Variants in ST6GALNAC3 observed in about 807,000 individuals in gnomAD.
ST6GALNAC3 encodes alpha-N-acetylgalactosaminide alpha-2,6-sialyltransferase 3.
A neutral mutation model predicts 32.7 loss-of-function variants in ST6GALNAC3; 25 were observed. The observed-to-expected ratio is 0.76, with a 90% CI of 0.56 to 1.07. ST6GALNAC3 has a LOEUF of 1.07. ST6GALNAC3 is among the 50% of genes least tolerant of loss of function. The probability of loss-of-function intolerance (pLI) is 0.00; values close to 1 mark genes in which losing one functional copy is unlikely to be tolerated. For synonymous variants in ST6GALNAC3, 129 were observed against 133.1 expected (o/e 0.97, Z 0.21); for missense variants, 355 against 382.4 (o/e 0.93, Z 0.60).
chr1:76,231,408 G>A (rs1253327436), intron 1 of ST6GALNAC3, among the ~76,000 whole-genome samples: 1 of 152,132 alleles, frequency 6.6e-6, no homozygotes, highest in African/African-American at 2.4e-5. Flanking sequence ...GCAGTATTAA[G>A]TATATTCACA....
intron 1 of ST6GALNAC3, among the ~76,000 whole-genome samples, chr1:76,118,339 A>G (rs1276148909): frequency 6.6e-6 from 1 of 152,224 alleles, no homozygotes; most frequent in African/African-American, 2.4e-5. Context: ...AATTTGATAA[A>G]TGCTATTTGC....
chr1:76,395,307 T>C (rs1652863778), intron 2 of ST6GALNAC3, among the ~76,000 whole-genome samples: 1 of 152,076 alleles, frequency 6.6e-6, no homozygotes, highest in South Asian at 2.1e-4. Flanking sequence ...AATCCAAAGG[T>C]GCCCTGTCAA....
chr1:76,102,850 T>A (rs1031716949), intron 1 of ST6GALNAC3, among the ~76,000 whole-genome samples: 1 of 152,104 alleles, frequency 6.6e-6, no homozygotes, highest in Non-Finnish European at 1.5e-5. Context: ...CACTCTCTTT[T>A]TGCCTGAAGA....
intron 1 of ST6GALNAC3, among the ~76,000 whole-genome samples, chr1:76,083,837 G>A (rs1227817004): frequency 5.9e-5 from 9 of 151,962 alleles, no homozygotes; most frequent in African/African-American, 2.2e-4. Flanking sequence ...CTCTCAGTTT[G>A]AATTCTAAAT....
intron 1 of ST6GALNAC3, among the ~76,000 whole-genome samples, chr1:76,294,490 A>T (rs1321178505): frequency 6.6e-6 from 1 of 152,122 alleles, no homozygotes; most frequent in East Asian, 1.9e-4. Context: ...AATAAATTGA[A>T]CATAGTGGTA....
chr1:76,470,618 C>T (rs954344979), intron 3 of ST6GALNAC3, among the ~76,000 whole-genome samples: 3 of 151,992 alleles, frequency 2.0e-5, no homozygotes, highest in African/African-American at 7.2e-5. Context: ...ACAGATTTTT[C>T]CCTCATGGTT....
intron 2 of ST6GALNAC3, among the ~76,000 whole-genome samples, chr1:76,336,087 A>T (rs1378200426): frequency 6.6e-6 from 1 of 152,194 alleles, no homozygotes; most frequent in Non-Finnish European, 1.5e-5. Flanking sequence ...GGGAGCCAAG[A>T]TTAAAATGCA....
At chr1:76,446,638 G>C (rs1656990270) in intron 3 of ST6GALNAC3, among the ~76,000 whole-genome samples, 2 of 152,086 alleles carry the variant, frequency 1.3e-5, no homozygotes, top group South Asian at 4.1e-4. Context: ...CACATGTTGT[G>C]GGAGGGACCC....
intron 3 of ST6GALNAC3, among the ~76,000 whole-genome samples, chr1:76,443,389 A>T (rs1414596921): frequency 9.9e-5 from 15 of 152,198 alleles, no homozygotes; most frequent in Admixed American, 9.8e-4. Context: ...CCTCTAATGA[A>T]TTCAAACAGT....
chr1:76,594,903 A>T (rs1647109764), intron 3 of ST6GALNAC3, among the ~76,000 whole-genome samples: 1 of 152,208 alleles, frequency 6.6e-6, no homozygotes, highest in Non-Finnish European at 1.5e-5. Flanking sequence ...GTTGCACTGT[A>T]TCCCACATCC....
At chr1:76,625,407 G>T (rs1385664451) in intron 3 of ST6GALNAC3, among the ~76,000 whole-genome samples, 1 of 151,732 alleles carries the variant, frequency 6.6e-6, no homozygotes, top group African/African-American at 2.4e-5. Context: ...CTCTATGAGT[G>T]CTTGGTCAGC....
chr1:76,198,131 AG>A (rs1654313973), intron 1 of ST6GALNAC3, among the ~76,000 whole-genome samples: 1 of 152,160 alleles, frequency 6.6e-6, no homozygotes, highest in Admixed American at 6.5e-5. Flanking sequence ...TTGACTTCCC[AG>A]GCTCAAGTGA....
At chr1:76,618,134 C>A (rs1272700716) in intron 3 of ST6GALNAC3, among the ~76,000 whole-genome samples, 2 of 152,064 alleles carry the variant, frequency 1.3e-5, no homozygotes, top group South Asian at 4.2e-4. Context: ...GATGAAAGAC[C>A]CTACGCCTAC....
chr1:76,582,036 T>C (rs1646898773), intron 3 of ST6GALNAC3, among the ~76,000 whole-genome samples: 1 of 152,132 alleles, frequency 6.6e-6, no homozygotes, highest in Non-Finnish European at 1.5e-5. Flanking sequence ...CGCTTGTCCA[T>C]TTTGAGAGGG....
At chr1:76,145,037 A>G (rs564420312) in intron 1 of ST6GALNAC3, among the ~76,000 whole-genome samples, 1 of 152,326 alleles carries the variant, frequency 6.6e-6, no homozygotes, top group East Asian at 1.9e-4. Context: ...AGACATTTAT[A>G]AACAAATCTG....
chr1:76,441,081 A>G (rs1656551473), intron 3 of ST6GALNAC3, among the ~76,000 whole-genome samples: 2 of 112,754 alleles, frequency 1.8e-5, no homozygotes, highest in South Asian at 5.7e-4. Context: ...GAGTGAGACT[A>G]TGTCTCCAAA....
intron 2 of ST6GALNAC3, among the ~76,000 whole-genome samples, chr1:76,405,317 A>G (rs183238947): frequency 1.3e-5 from 2 of 152,072 alleles, no homozygotes; most frequent in African/African-American, 2.4e-5. Flanking sequence ...CTGTTTTGCA[A>G]GTTTTATTAT....
Position 76,628,632 on chromosome 1 carries a change from T to C in ST6GALNAC3, c.744T>C (p.Tyr248=). 1 of 1,606,924 alleles carries C rather than the reference T, an allele frequency of 6.2e-7. No individual in the cohort carries two copies. The highest frequency in any genetic ancestry group is 1.1e-5 in the South Asian group (1 of 90,498). Residue 248 remains tyrosine, a synonymous_variant, in exon 5 of 5, where the codon TAT becomes TAC. Transcript: ENST00000328299. ...INDTYCKTEG[Y]RKVPYHYYEQ... ...TTTTCTTTTCTAGGACAGAAGGGTA[T>C]AGAAAAGTCCCCTACCATTATTATG...
intron 1 of ST6GALNAC3, among the ~76,000 whole-genome samples, chr1:76,103,262 C>A (rs570235504): frequency 5.9e-5 from 9 of 152,038 alleles, no homozygotes; most frequent in African/African-American, 2.2e-4. Flanking sequence ...AGTTCTCAGG[C>A]ATCATTCATC....
Sources: allele counts gnomAD v4.1 joint callset (sites outside exome capture counted in the v4.1 genomes callset), GRCh38; gene constraint gnomAD v4.1.1; transcripts MANE v1.5; gene names NCBI Gene and HGNC (gene_info 2026-07-23, HGNC 2026-07-21).